Variants in WDR44 observed in about 807,000 individuals in gnomAD.
WDR44 encodes WD repeat domain 44.
In WDR44, 9 loss-of-function variants were observed where a neutral mutation model predicts 65.7. The ratio of observed to expected loss-of-function variants is 0.14; its 90% CI spans 0.08 to 0.24. WDR44 has a LOEUF of 0.24. Among genes scored for constraint, WDR44 ranks in the 10% least tolerant of loss-of-function variants. WDR44 has a pLI of 1.00. For missense variants in WDR44, 425 were observed against 670.9 expected (o/e 0.63, Z 4.05); for synonymous variants, 220 against 235.2 (o/e 0.94, Z 0.59).
intron 1 of WDR44, among the ~76,000 whole-genome samples, chrX:118,365,817 A>G (rs1472548896): frequency 8.9e-6 from 1 of 112,013 alleles, no homozygotes; most frequent in African/African-American, 3.2e-5. Flanking sequence ...TTTCCCTTGC[A>G]TAGGGCTCTT....
At chrX:118,406,301 C>T (rs2054204149) in intron 9 of WDR44, among the ~76,000 whole-genome samples, 1 of 110,954 alleles carries the variant, frequency 9.0e-6, no homozygotes, top group Admixed American at 9.7e-5. Flanking sequence ...TATGATGGCT[C>T]ATATCTGTAA....
At chrX:118,383,716 T>G (rs1446703212) in intron 2 of WDR44, among the ~76,000 whole-genome samples, 1 of 96,957 alleles carries the variant, frequency 1.0e-5, no homozygotes, top group Admixed American at 1.2e-4. Context: ...AGCTTCCAAG[T>G]ATTCTTTTTT....
chrX:118,409,727 A>G, intron 11 of WDR44, 100 bp downstream of exon 11: 2 of 871,134 alleles, frequency 2.3e-6, no homozygotes, highest in East Asian at 3.5e-5. Flanking sequence ...AGCAACCACT[A>G]CTTATGATAA....
intron 12 of WDR44, among the ~76,000 whole-genome samples, chrX:118,432,316 A>G (rs980359399): frequency 1.6e-4 from 18 of 111,571 alleles, no homozygotes; most frequent in African/African-American, 4.6e-4. Context: ...GAGTCCTATT[A>G]GTATGACCCT....
chrX:118,363,481 T>C lies in WDR44; in HGVS notation c.78-14938T>C, dbSNP rs1048072584. 4.6e-5 allele frequency among the ~76,000 whole-genome samples: 5 copies of C among 108,544 alleles called. No individual in the cohort carries two copies. The Admixed American group carries it at 5.0e-4, about 11-fold the overall frequency. 94.3% of individuals were successfully genotyped at this position (108,544 alleles called of 115,157 possible). Reference sequence around the variant, plus strand: ...TATTGTTTAGGGATACATGCACGTATGATGAACTGTTTTTGAAAACAAAAA... The same window carrying C: ...TATTGTTTAGGGATACATGCACGTACGATGAACTGTTTTTGAAAACAAAAA... On this transcript the variant is annotated intron_variant, in intron 1 of 19. Coordinates refer to ENST00000254029, the MANE Select transcript of WDR44 (RefSeq NM_019045.5).
intron 12 of WDR44, among the ~76,000 whole-genome samples, chrX:118,421,673 T>C (rs1351438895): frequency 2.7e-5 from 3 of 111,892 alleles, no homozygotes; most frequent in Non-Finnish European, 5.6e-5. Context: ...TATTGTACAG[T>C]CGAACATACA....
chrX:118,362,775 C>T (rs2056522449), intron 1 of WDR44, among the ~76,000 whole-genome samples: 1 of 108,503 alleles, frequency 9.2e-6, no homozygotes, highest in African/African-American at 3.3e-5. Context: ...ACCTAATTAA[C>T]TTGGGGGTGG....
At chrX:118,395,632 C>A (rs894910574) in intron 6 of WDR44, among the ~76,000 whole-genome samples, 104 of 111,821 alleles carry the variant, frequency 9.3e-4, no homozygotes, top group African/African-American at 3.3e-3. Flanking sequence ...CTGGATGTAG[C>A]ATCTCTGACT....
chrX:118,420,636 C>T lies in WDR44; in HGVS notation c.1737+9677C>T, dbSNP rs757515403. Among the ~76,000 whole-genome samples the T allele has an allele frequency of 1.9e-3, 210 of 111,930 alleles. 1 individual carries two copies. The Middle Eastern group carries it at 0.023, about 12-fold the overall frequency. On this transcript the variant is annotated intron_variant, in intron 12 of 19. Transcript: ENST00000254029. ...TATTGCCTAATCTTAACTTTTGACT[C>T]AGTTCCAATTCCCTAGTGCCTGTGC... is the stretch of plus-strand genomic sequence containing the variant.
chrX:118,367,277 C>T (rs1263978729), intron 1 of WDR44, among the ~76,000 whole-genome samples: 1 of 111,416 alleles, frequency 9.0e-6, no homozygotes. Context: ...AAAAACTCCC[C>T]CTAAATATTT....
chrX:118,431,447 G>A (rs1449089573), intron 12 of WDR44, among the ~76,000 whole-genome samples: 1 of 111,564 alleles, frequency 9.0e-6, no homozygotes, highest in South Asian at 3.8e-4. Flanking sequence ...GGGATTACAG[G>A]CATGCGCCAC....
chrX:118,388,418 C>G (rs2056789862), intron 3 of WDR44, among the ~76,000 whole-genome samples: 1 of 111,168 alleles, frequency 9.0e-6, no homozygotes, highest in South Asian at 3.8e-4. Flanking sequence ...GTAGCTGGGA[C>G]TACAGGTGTA....
chrX:118,375,074 T>G, intron 1 of WDR44, among the ~76,000 whole-genome samples: 1 of 112,022 alleles, frequency 8.9e-6, no homozygotes, highest in Non-Finnish European at 1.9e-5. Flanking sequence ...TATATTTCCA[T>G]GTGTGTCAGT....
rs769814047 is a variant in WDR44, at chrX:118,432,806, C to T, written c.1763C>T (p.Pro588Leu). 1.4e-5 allele frequency: 17 copies of T among 1,209,277 alleles called. No individual in the cohort carries two copies. The Admixed American group carries it at 2.8e-4, about 20-fold the overall frequency. Residue 588 changes from proline (P) to leucine (L), a missense_variant, in exon 13 of 20, where the codon CCT becomes CTT. Around this residue, in one of 5 missense-constraint regions of WDR44, gnomAD observed 45 missense variants for 50.0 expected, o/e 0.90. Transcript: ENST00000254029. Reference sequence around the variant, plus strand: ...GTATGCAGTGGAACTGATGAAGACCCTGATGATAAAAACGCACCCTTTCGG... The same window carrying T: ...GTATGCAGTGGAACTGATGAAGACCTTGATGATAAAAACGCACCCTTTCGG... Reference protein sequence around the residue: ...TGVCSGTDEDPDDKNAPFRQR... With the variant: ...TGVCSGTDEDLDDKNAPFRQR...
intron 12 of WDR44, 71 bp downstream of exon 12, chrX:118,411,030 T>C: frequency 1.1e-6 from 1 of 899,091 alleles, no homozygotes; most frequent in Non-Finnish European, 1.5e-6. Flanking sequence ...AGTATTTTTG[T>C]GTATCAGAAA....
At chrX:118,383,878 C>CTTTTT (rs549809406) in intron 2 of WDR44, among the ~76,000 whole-genome samples, 2 of 69,813 alleles carry the variant, frequency 2.9e-5, no homozygotes, top group Non-Finnish European at 5.2e-5. Context: ...TTTTTAATTT[C>CTTTTT]TTTTTTTTTT....
At chrX:118,447,943 T>A (rs889032749) in intron 19 of WDR44, among the ~76,000 whole-genome samples, 8 of 99,509 alleles carry the variant, frequency 8.0e-5, no homozygotes, top group Non-Finnish European at 1.2e-4. Flanking sequence ...CCTAGCAAAA[T>A]GCCTGGCATG....
At chrX:118,407,331 T>A (rs1027568487) in intron 10 of WDR44, among the ~76,000 whole-genome samples, 15 of 110,547 alleles carry the variant, frequency 1.4e-4, no homozygotes, top group African/African-American at 4.9e-4. Context: ...CGAAACCCTG[T>A]CTCTACGAAA....
At chrX:118,374,697 A>G (rs942190437) in intron 1 of WDR44, among the ~76,000 whole-genome samples, 2 of 111,496 alleles carry the variant, frequency 1.8e-5, no homozygotes, top group Non-Finnish European at 3.8e-5. Flanking sequence ...TATTCCAGAA[A>G]TTGGTCTCAG....
Sources: gnomAD v4.1 joint callset for allele counts (sites outside exome capture counted in the v4.1 genomes callset) on GRCh38, gnomAD v4.1.1 for gene constraint, gnomAD v4.1.1 regional missense constraint, MANE v1.5 for transcripts, NCBI Gene and HGNC (gene_info 2026-07-23, HGNC 2026-07-21) for gene names.